The following ADCYAP1 variants were observed in gnomAD, a reference collection of about 807,000 sequenced individuals.
ADCYAP1 encodes adenylate cyclase activating polypeptide 1, also known as pituitary adenylate cyclase-activating polypeptide.
Under a neutral mutation model 18.5 loss-of-function variants are expected in ADCYAP1, and 6 were observed. The observed-to-expected ratio is 0.32, with a 90% CI of 0.18 to 0.64. The LOEUF is 0.64. Among genes scored for constraint, ADCYAP1 ranks in the 30% least tolerant of loss-of-function variants. The pLI, the probability that ADCYAP1 is intolerant of heterozygous loss-of-function variation, is 0.77. For synonymous variants in ADCYAP1, 136 were observed against 113.9 expected, an observed-to-expected ratio of 1.19 and a Z score of -1.24; for missense variants, 314 against 253.6, an observed-to-expected ratio of 1.24 and a Z score of -1.62.
intron 1 of ADCYAP1, 105 bp from the exon 2 acceptor site, chr18:905,281 G>A: frequency 1.3e-6 from 2 of 1,524,436 alleles, no homozygotes; most frequent in Non-Finnish European, 1.8e-6. Flanking sequence ...AGGGAGCCGG[G>A]GCTTCGCTCC....
intron 2 of ADCYAP1, 87 bp from the exon 3 acceptor site, chr18:907,572 A>T (rs1909217181): frequency 1.4e-6 from 2 of 1,402,286 alleles, no homozygotes; most frequent in Non-Finnish European, 1.9e-6. Context: ...ACCTGTGAAA[A>T]TCCGCGCGAG....
upstream of ADCYAP1, chr18:904,656 C>T (rs1348161632): frequency 2.5e-6 from 3 of 1,223,000 alleles, no homozygotes; most frequent in South Asian, 2.8e-5. Flanking sequence ...GGCGGGCTAG[C>T]CGCCCGCCCT....
rs1363467352 is a variant in ADCYAP1, at chr18:904,884, C to A, written c.-178C>A. ...AAACTTTTGAGCAGAACACGAGCCT[C>A]GGCAAACGAGTCCCGCAGCTCCTCC... On this transcript the variant is annotated 5_prime_UTR_variant, in exon 1 of 5. Transcript: ENST00000450565. 4.7e-6 allele frequency: 6 copies of A among 1,288,272 alleles called. No individual in the cohort carries two copies. Among genetic ancestry groups the A allele is most frequent in the African/African-American group, 1.5e-5 (1 of 65,852 alleles). 79.8% of individuals were successfully genotyped at this position (1,288,272 alleles called of 1,614,324 possible).
At chr18:908,467 T>G (rs1338686558) in intron 4 of ADCYAP1, 104 bp downstream of exon 4, 2 of 919,160 alleles carry the variant, frequency 2.2e-6, no homozygotes, top group Non-Finnish European at 3.2e-6. Flanking sequence ...AGGGTGAGTC[T>G]GCGCCCCTGG....
chr18:905,551 C>CT, intron 2 of ADCYAP1, 55 bp downstream of exon 2: 2 of 1,585,128 alleles, frequency 1.3e-6, no homozygotes, highest in Non-Finnish European at 1.7e-6. Context: ...GGCACAGACG[C>CT]TTCCTCACGG....
chr18:908,178 G>C, intron 3 of ADCYAP1, 87 bp from the exon 4 acceptor site: 2 of 1,230,538 alleles, frequency 1.6e-6, no homozygotes, highest in Middle Eastern at 1.9e-4. Context: ...CGGCCGCCGA[G>C]GGGGCGCGCG....
Position 905,013 on chromosome 18 carries a change from C to T in ADCYAP1, c.-49C>T, listed in dbSNP as rs1239052019. 1.5e-6 allele frequency: 2 copies of T among 1,293,740 alleles called. No homozygotes were observed. The highest frequency in any genetic ancestry group is 5.4e-5 in the East Asian group (1 of 18,594). 80.1% of individuals were successfully genotyped at this position (1,293,740 alleles called of 1,614,324 possible). A position where few individuals can be genotyped will look rare whatever the true frequency, so the allele number is the denominator to read the frequency against. ...CGCAGGAACTTGAAGAAGCGCTTTG[C>T]CCGCCGTCCTACCTGGCAGCTCTCC... On this transcript the variant is annotated 5_prime_UTR_variant, in exon 1 of 5. Coordinates refer to ENST00000450565, the MANE Select transcript of ADCYAP1 (RefSeq NM_001099733.2).
At chr18:906,897 A>G (rs1909189329) in intron 2 of ADCYAP1, among the ~76,000 whole-genome samples, 1 of 152,204 alleles carries the variant, frequency 6.6e-6, no homozygotes, top group South Asian at 2.1e-4. Flanking sequence ...GCCATCGATA[A>G]CAGATCAGCG....
In ADCYAP1 at chr18:904,930, G is replaced by T; in HGVS notation, c.-132G>T. 7.8e-7 allele frequency: 1 copy of T among 1,290,222 alleles called. No individual in the cohort carries two copies. Among genetic ancestry groups the T allele is most frequent in the Non-Finnish European group, 1.0e-6 (1 of 989,460 alleles). 79.9% of individuals were successfully genotyped at this position (1,290,222 alleles called of 1,614,324 possible). A position where few individuals can be genotyped will look rare whatever the true frequency, so the allele number is the denominator to read the frequency against. On this transcript the variant is annotated 5_prime_UTR_variant, in exon 1 of 5. Transcript: ENST00000450565. The stretch of plus-strand genomic sequence containing the variant: ...CCTCCTGCTGCTCCCGCTGGTTCCT[G>T]CGGCTTCTGCTCAGACACCAACGCC...
At chr18:905,091 C>A (rs1327206596) in intron 1 of ADCYAP1, 31 bp downstream of exon 1, 1 of 1,319,322 alleles carries the variant, frequency 7.6e-7, no homozygotes, top group Non-Finnish European at 9.8e-7. Flanking sequence ...CCAAAGCGAC[C>A]GGCTCACTCG....
intron 3 of ADCYAP1, 25 bp from the exon 4 acceptor site, chr18:908,240 G>C (rs1384649982): frequency 6.3e-7 from 1 of 1,597,090 alleles, no homozygotes. Flanking sequence ...AGTGACCCTG[G>C]GCGCGCACTT....
chr18:907,945 A>G, intron 3 of ADCYAP1, 155 bp downstream of exon 3: 1 of 1,311,554 alleles, frequency 7.6e-7, no homozygotes. Context: ...TTGCAGCGAC[A>G]GAAAATCAGC....
upstream of ADCYAP1, chr18:904,758 C>T (rs1909091295): frequency 8.7e-6 from 11 of 1,264,122 alleles, no homozygotes; most frequent in Non-Finnish European, 1.1e-5. Flanking sequence ...CCACCTTGCT[C>T]CTCCGCGCTT....
chr18:905,158 G>A, intron 1 of ADCYAP1, 98 bp downstream of exon 1: 1 of 1,401,796 alleles, frequency 7.1e-7, no homozygotes, highest in South Asian at 1.5e-5. Flanking sequence ...CTTCAGCCGG[G>A]TCTGGCTAGT....
Position 909,598 on chromosome 18 carries a change from G to C in ADCYAP1, c.494G>C (p.Arg165Thr). 1 of 1,613,840 alleles carries C rather than the reference G, an allele frequency of 6.2e-7. No individual in the cohort carries two copies. The highest frequency in any genetic ancestry group is 8.5e-7 in the Non-Finnish European group (1 of 1,179,888). ...GTCCTAGGGAAGAGGTATAAACAAA[G>C]GGTTAAAAACAAAGGACGCCGAATA... ...AAVLGKRYKQ[R>T]VKNKGRRIAY... The change falls in exon 5 of 5, where the codon AGG (arginine) becomes ACG (threonine). Residue 165 changes from arginine to threonine, a missense_variant. Arg to Thr is a moderately conservative substitution (Grantham distance 71). Coordinates refer to ENST00000450565, the MANE Select transcript of ADCYAP1 (RefSeq NM_001099733.2).
chr18:905,308 C>G, intron 1 of ADCYAP1, 78 bp from the exon 2 acceptor site: 1 of 1,560,720 alleles, frequency 6.4e-7, no homozygotes, highest in Admixed American at 1.8e-5. Context: ...CCCCCGGCTT[C>G]CAGAGCTTTT....
At position 907,418 on chromosome 18, in the gene ADCYAP1, G is replaced by T. The variant is rs548123634; in HGVS notation, c.111-241G>T. The T allele has an allele frequency of 2.0e-4, 87 of 431,454 alleles. 1 individual carries two copies. The highest frequency in any genetic ancestry group is 1.9e-3 in the South Asian group (47 of 24,842). 26.7% of individuals were successfully genotyped at this position (431,454 alleles called of 1,614,324 possible). Reference sequence around the variant, plus strand: ...CCAGCGCTTGTTGAGGCCGTGGCCCGCAGGACGACCCTTTACCCGCGAAGG... The same window carrying T: ...CCAGCGCTTGTTGAGGCCGTGGCCCTCAGGACGACCCTTTACCCGCGAAGG... On this transcript the variant is annotated intron_variant, in intron 2 of 4. Coordinates refer to ENST00000450565, the MANE Select transcript of ADCYAP1 (RefSeq NM_001099733.2).
chr18:908,359 G>T lies in ADCYAP1; in HGVS notation c.337G>T (p.Val113Leu), dbSNP rs753686646. 1.2e-6 allele frequency: 2 copies of T among 1,612,574 alleles called. No individual in the cohort carries two copies. Reference sequence around the variant, plus strand: ...CCTGCAGTCGCTCGTGGCCCGGGGCGTGGGGTAAGAGTTTGTGGAAGGATT... The same window carrying T: ...CCTGCAGTCGCTCGTGGCCCGGGGCTTGGGGTAAGAGTTTGTGGAAGGATT... ...KHLQSLVARGVGGSLGGGAGD... is the reference protein window; with the variant it reads ...KHLQSLVARGLGGSLGGGAGD... Residue 113 changes from valine (V) to leucine (L), a missense_variant, in exon 4 of 5, where the codon GTG becomes TTG. Val to Leu is a conservative substitution (Grantham distance 32). Coordinates refer to ENST00000450565, the MANE Select transcript of ADCYAP1 (RefSeq NM_001099733.2).
Position 909,660 on chromosome 18 carries a change from TA to T in ADCYAP1, c.*26del, listed in dbSNP as rs745357671. 1.2e-6 allele frequency: 2 copies of T among 1,603,464 alleles called. No individual in the cohort carries two copies. Among genetic ancestry groups the T allele is most frequent in the South Asian group, 2.2e-5 (2 of 90,134 alleles). On this transcript the variant is annotated 3_prime_UTR_variant, in exon 5 of 5. Coordinates refer to ENST00000450565, the MANE Select transcript of ADCYAP1 (RefSeq NM_001099733.2). ...GCGATGGGTTACCAGCTACCCTGTG[TA>T]TACAGCCCTGACGCAATGAAAAGTC...
Sources: gnomAD v4.1 joint callset for allele counts (sites outside exome capture counted in the v4.1 genomes callset) on GRCh38, gnomAD v4.1.1 for gene constraint, MANE v1.5 for transcripts, NCBI Gene and HGNC (gene_info 2026-07-23, HGNC 2026-07-21) for gene names.